Variants in TMEM236 observed in about 807,000 individuals in gnomAD.
The protein encoded by TMEM236 is family with sequence similarity 23, member A.
TMEM236 carries 11 observed loss-of-function variants against 14.7 expected under a neutral mutation model. The observed-to-expected ratio is 0.75, with a 90% CI of 0.47 to 1.24. TMEM236 has a LOEUF of 1.24. Among genes scored for constraint, TMEM236 ranks in the 50% most tolerant of loss-of-function variants. The pLI, the probability that TMEM236 is intolerant of heterozygous loss-of-function variation, is 0.00. For missense variants in TMEM236, 464 were observed against 427.3 expected (o/e 1.09, Z -0.76); for synonymous variants, 182 against 168.6 (o/e 1.08, Z -0.62).
At chr10:17,795,838 A>G (rs1344117846) in intron 3 of TMEM236, 83 bp from the exon 4 acceptor site, 115 of 1,372,082 alleles carry the variant, frequency 8.4e-5, no homozygotes, top group Non-Finnish European at 1.1e-4. Flanking sequence ...CCACCTTTAA[A>G]TGGAATTTTA....
intron 1 of TMEM236, among the ~76,000 whole-genome samples, chr10:17,767,022 A>G (rs1837478358): frequency 6.6e-6 from 1 of 152,212 alleles, no homozygotes; most frequent in East Asian, 1.9e-4. Context: ...ATATTGGATT[A>G]GGACCCACCT....
intron 1 of TMEM236, among the ~76,000 whole-genome samples, chr10:17,764,837 C>CCTTTTTTTT (rs1280615370): frequency 7.8e-6 from 1 of 127,392 alleles, no homozygotes; most frequent in South Asian, 2.7e-4. Flanking sequence ...CAGATTTTCC[C>CCTTTTTTTT]TTTTTTTTTT....
At position 17,796,472 on chromosome 10, in the gene TMEM236, A is replaced by AT. The variant is rs1408210457; in HGVS notation, c.1030dup (p.Ser344PhefsTer4). 9.9e-6 allele frequency: 16 copies of AT among 1,612,686 alleles called. No individual in the cohort carries two copies. The highest frequency in any genetic ancestry group is 1.6e-4 in the Middle Eastern group (1 of 6,078). ...CTTCAATTACCTAACCAGAATCAGG[A>AT]TTTTTTCTGCCTTTGAAATGTCTCC... On this transcript the variant is annotated frameshift_variant, in exon 4 of 4. Coordinates refer to ENST00000377495, the MANE Select transcript of TMEM236 (RefSeq NM_001098844.3). LOFTEE classifies it high-confidence loss of function.
At chr10:17,774,434 G>A (rs1206108942) in intron 2 of TMEM236, among the ~76,000 whole-genome samples, 2 of 152,110 alleles carry the variant, frequency 1.3e-5, no homozygotes, top group African/African-American at 2.4e-5. Flanking sequence ...ATGTTGTACA[G>A]CAGTGAGTTA....
intron 3 of TMEM236, among the ~76,000 whole-genome samples, chr10:17,786,155 T>C (rs1837834142): frequency 6.6e-6 from 1 of 152,208 alleles, no homozygotes; most frequent in African/African-American, 2.4e-5. Context: ...GCAGAATACT[T>C]TGGAAACAAA....
At position 17,768,727 on chromosome 10, in the gene TMEM236, ATGTGTG is replaced by A. The variant is rs570319904; in HGVS notation, c.258-2553_258-2548del. Among the ~76,000 whole-genome samples the A allele has an allele frequency of 6.1e-3, 881 of 144,296 alleles. 14 individuals carry two copies. The highest frequency in any genetic ancestry group is 0.021 in the African/African-American group (810 of 39,454). The allele number at this position is 144,296 out of a possible 152,430, so 94.7% of individuals were successfully genotyped here. A position where few individuals can be genotyped will look rare whatever the true frequency, so the allele number is the denominator to read the frequency against. On this transcript the variant is annotated intron_variant, in intron 1 of 3. Coordinates refer to ENST00000377495, the MANE Select transcript of TMEM236 (RefSeq NM_001098844.3). The stretch of plus-strand genomic sequence containing the variant: ...AGTCATAGGGCTATGTATACAACTC[ATGTGTG>A]TGTGTGTGTGTGTGTGTGTGTGTGT...
intron 1 of TMEM236, among the ~76,000 whole-genome samples, chr10:17,769,996 C>G (rs1475420913): frequency 6.6e-6 from 1 of 152,072 alleles, no homozygotes; most frequent in East Asian, 1.9e-4. Context: ...TTCCACCCTC[C>G]CCTCTGTAAT....
At chr10:17,794,921 G>C (rs987977487) in intron 3 of TMEM236, among the ~76,000 whole-genome samples, 2 of 152,112 alleles carry the variant, frequency 1.3e-5, no homozygotes, top group Non-Finnish European at 2.9e-5. Context: ...CCAGCTACTC[G>C]GGACGCTGAG....
chr10:17,799,022 T>A lies in TMEM236; in HGVS notation c.*2518T>A. On this transcript the variant is annotated 3_prime_UTR_variant, in exon 4 of 4. Coordinates refer to ENST00000377495, the MANE Select transcript of TMEM236 (RefSeq NM_001098844.3). ...ATCTTAAGGTTACTTCAGACTATAC[T>A]TTTTCATCGAGGAGTATTGTATTCA... 1 of 267,018 alleles carries A rather than the reference T, an allele frequency of 3.7e-6. No homozygotes were observed. Among genetic ancestry groups the A allele is most frequent in the Non-Finnish European group, 7.3e-6 (1 of 137,658 alleles). The allele number at this position is 267,018 out of a possible 1,614,324, so 16.5% of individuals were successfully genotyped here. A position where few individuals can be genotyped will look rare whatever the true frequency, so the allele number is the denominator to read the frequency against.
intron 1 of TMEM236, among the ~76,000 whole-genome samples, chr10:17,763,523 C>A (rs1348471400): frequency 6.6e-6 from 1 of 152,214 alleles, no homozygotes; most frequent in Non-Finnish European, 1.5e-5. Context: ...CCTGCCCCAT[C>A]AGCCCACTAC....
chr10:17,756,671 C>G (rs1033634247), intron 1 of TMEM236, among the ~76,000 whole-genome samples: 10 of 152,170 alleles, frequency 6.6e-5, no homozygotes, highest in African/African-American at 2.4e-4. Context: ...CAGCAGCTCT[C>G]CCAAAGTCAG....
At chr10:17,758,998 G>A (rs943738827) in intron 1 of TMEM236, among the ~76,000 whole-genome samples, 14 of 152,176 alleles carry the variant, frequency 9.2e-5, no homozygotes, top group Admixed American at 5.9e-4. Flanking sequence ...CATTTTATGA[G>A]GGAGGAAACA....
chr10:17,762,480 C>A (rs1837381099), intron 1 of TMEM236, among the ~76,000 whole-genome samples: 1 of 150,144 alleles, frequency 6.7e-6, no homozygotes, highest in African/African-American at 2.4e-5. Context: ...ATTGACTAAA[C>A]CTAGTTTTAC....
chr10:17,794,491 C>G (rs1837976824), intron 3 of TMEM236, among the ~76,000 whole-genome samples: 1 of 127,160 alleles, frequency 7.9e-6, no homozygotes, highest in East Asian at 2.2e-4. Flanking sequence ...AGAATTTGTA[C>G]ATAATCCAAC....
At chr10:17,783,410 TC>T (rs1384233782) in intron 3 of TMEM236, among the ~76,000 whole-genome samples, 1 of 152,110 alleles carries the variant, frequency 6.6e-6, no homozygotes, top group Non-Finnish European at 1.5e-5. Flanking sequence ...AAACCTCAGC[TC>T]CCTGCAAAGG....
rs1837565884 is a variant in TMEM236, at chr10:17,771,205, A to T, written c.258-104A>T. ...AATAGGGAAGCAGCAGCTTCTTAGA[A>T]AAACTATAGATGAATGGAACAGGAA... On this transcript the variant is annotated intron_variant, in intron 1 of 3. Transcript: ENST00000377495. The T allele has an allele frequency of 6.6e-6, 7 of 1,068,668 alleles. 1 individual carries two copies. The Admixed American group carries it at 1.1e-4, about 16-fold the overall frequency. The allele number at this position is 1,068,668 out of a possible 1,614,324, so 66.2% of individuals were successfully genotyped here. A position where few individuals can be genotyped will look rare whatever the true frequency, so the allele number is the denominator to read the frequency against.
At chr10:17,768,884 C>G (rs974115974) in intron 1 of TMEM236, among the ~76,000 whole-genome samples, 2 of 151,986 alleles carry the variant, frequency 1.3e-5, no homozygotes, top group Admixed American at 1.3e-4. Context: ...GTGTGTTCAT[C>G]AAAGATTTTT....
intron 1 of TMEM236, among the ~76,000 whole-genome samples, chr10:17,768,824 TAC>T (rs1423540931): frequency 2.0e-5 from 3 of 151,994 alleles, no homozygotes; most frequent in Non-Finnish European, 2.9e-5. Context: ...CCATATCATG[TAC>T]AGCATGTAGA....
At chr10:17,760,710 A>G (rs1339702898) in intron 1 of TMEM236, among the ~76,000 whole-genome samples, 1 of 152,236 alleles carries the variant, frequency 6.6e-6, no homozygotes, top group African/African-American at 2.4e-5. Flanking sequence ...TATAAAGGAA[A>G]GAGGTTTGAT....
Sources: gnomAD v4.1 joint callset for allele counts (sites outside exome capture counted in the v4.1 genomes callset) on GRCh38, gnomAD v4.1.1 for gene constraint, MANE v1.5 for transcripts, NCBI Gene and HGNC (gene_info 2026-07-23, HGNC 2026-07-21) for gene names.